Variants in POLQ observed in about 807,000 individuals in gnomAD.
POLQ encodes the protein epididymis secretory sperm binding protein.
In POLQ, 233 loss-of-function variants were observed where a neutral mutation model predicts 259.2. That is an observed-to-expected ratio of 0.90 (90% CI 0.81 to 1.00). The LOEUF is 1.00. POLQ is among the 50% of genes least tolerant of loss of function. The pLI is 0.00. For synonymous variants in POLQ, 1,025 were observed against 1,048.8 expected (o/e 0.98, Z 0.44); for missense variants, 2,871 against 3,051.6 (o/e 0.94, Z 1.39).
chr3:121,519,161 T>C (rs1424622173), intron 9 of POLQ, among the ~76,000 whole-genome samples: 4 of 152,096 alleles, frequency 2.6e-5, no homozygotes, highest in African/African-American at 7.2e-5. Flanking sequence ...GTCTGATTTC[T>C]GAGACCAGTC....
Position 121,529,793 on chromosome 3 carries a change from C to A in POLQ, c.961-1G>T, listed in dbSNP as rs760571948. On this transcript the variant is annotated splice_acceptor_variant, in intron 6 of 29. Coordinates refer to ENST00000264233, the MANE Select transcript of POLQ (RefSeq NM_199420.4). LOFTEE classifies it high-confidence loss of function. ...AACTAACAACATGGTCCTCATCTCC[C>A]TAAAACAGAAAGATAAATAACCACT... 1.2e-6 allele frequency: 2 copies of A among 1,601,842 alleles called. No homozygotes were observed. Among genetic ancestry groups the A allele is most frequent in the Non-Finnish European group, 1.7e-6 (2 of 1,175,556 alleles).
Position 121,509,597 on chromosome 3 carries a change from G to T in POLQ, c.1923C>A (p.Gly641=). The T allele has an allele frequency of 6.2e-7, 1 of 1,613,362 alleles. No individual in the cohort carries two copies. The highest frequency in any genetic ancestry group is 1.1e-5 in the South Asian group (1 of 90,992). ...TATGAAGATCATTCTCTAAAACAAA[G>T]CCCTTCATTGCTCTTTGCAGGTCAG... The part of the protein sequence containing the change: ...IFADLQRAMK[G]FVLENDLHIL... Residue 641 remains glycine, a synonymous_variant, in exon 12 of 30, where the codon GGC becomes GGA. Coordinates refer to ENST00000264233, the MANE Select transcript of POLQ (RefSeq NM_199420.4).
intron 25 of POLQ, among the ~76,000 whole-genome samples, chr3:121,453,661 C>T (rs112800659): frequency 2.0e-5 from 3 of 151,632 alleles, no homozygotes; most frequent in East Asian, 1.9e-4. Context: ...TGAAATGAAG[C>T]GAGAAGGGAA....
At chr3:121,517,836 A>G (rs1183133900) in intron 9 of POLQ, among the ~76,000 whole-genome samples, 1 of 152,210 alleles carries the variant, frequency 6.6e-6, no homozygotes, top group Non-Finnish European at 1.5e-5. Context: ...CTAAATTACA[A>G]TTACATCATA....
At chr3:121,534,943 C>T (rs2048439985) in intron 5 of POLQ, among the ~76,000 whole-genome samples, 1 of 152,160 alleles carries the variant, frequency 6.6e-6, no homozygotes, top group African/African-American at 2.4e-5. Context: ...TATGTTAAGA[C>T]TTGCTTTATG....
chr3:121,510,013 A>T (rs763795588), intron 11 of POLQ, 26 bp downstream of exon 11: 149 of 1,567,688 alleles, frequency 9.5e-5, no homozygotes, highest in Admixed American at 2.0e-4. Flanking sequence ...AAAGTGAGTA[A>T]ATTGCAACTG....
chr3:121,511,139 T>C (rs2048252046), intron 10 of POLQ, among the ~76,000 whole-genome samples: 1 of 145,536 alleles, frequency 6.9e-6, no homozygotes, highest in South Asian at 2.2e-4. Context: ...GGCAGGAGAA[T>C]GGTGTGAAAT....
At chr3:121,491,346 CAAAAAAAAA>C (rs3045625) in intron 15 of POLQ, among the ~76,000 whole-genome samples, 3 of 77,974 alleles carry the variant, frequency 3.8e-5, no homozygotes, top group East Asian at 3.5e-4. Context: ...GAGACTGTCA[CAAAAAAAAA>C]AAAAAAAAAA....
intron 24 of POLQ, among the ~76,000 whole-genome samples, chr3:121,462,588 G>A (rs1327918460): frequency 6.6e-6 from 1 of 152,186 alleles, no homozygotes; most frequent in Non-Finnish European, 1.5e-5. Flanking sequence ...AAAGTGCAGG[G>A]CGCCAAAGAA....
At chr3:121,439,356 A>T (rs1205970242) in intron 27 of POLQ, among the ~76,000 whole-genome samples, 1 of 151,932 alleles carries the variant, frequency 6.6e-6, no homozygotes, top group Non-Finnish European at 1.5e-5. Flanking sequence ...TCAGCCTCCC[A>T]AGTAGCTAAG....
rs768114001 is a variant in POLQ, at chr3:121,544,752, C to T, written c.318G>A (p.Leu106=). The T allele has an allele frequency of 1.4e-5, 22 of 1,611,552 alleles. No individual in the cohort carries two copies. In the South Asian group the frequency reaches 2.3e-4, roughly 17 times the overall value. Residue 106 remains leucine, a synonymous_variant, in exon 2 of 30, where the codon CTG becomes CTA. Transcript: ENST00000264233. ...CTGAATAAACTAAATTCTTTCCTTC[C>T]AGGACTTGTCCAAGCAAAAGGCACT... ...QAECLLLGQV[L]EGKNLVYSAP... is the part of the protein sequence containing the mutation.
At chr3:121,523,920 A>G (rs972973157) in intron 7 of POLQ, among the ~76,000 whole-genome samples, 3 of 152,132 alleles carry the variant, frequency 2.0e-5, no homozygotes, top group African/African-American at 7.2e-5. Flanking sequence ...AGGGCAATTA[A>G]TTTTTTAAAA....
At chr3:121,510,718 C>A (rs1280506538) in intron 10 of POLQ, among the ~76,000 whole-genome samples, 2 of 152,210 alleles carry the variant, frequency 1.3e-5, no homozygotes, top group Admixed American at 1.3e-4. Flanking sequence ...CATCACCACT[C>A]ACTGTAACTG....
chr3:121,479,029 G>A (rs1034765342), intron 19 of POLQ, among the ~76,000 whole-genome samples: 1 of 152,098 alleles, frequency 6.6e-6, no homozygotes, highest in African/African-American at 2.4e-5. Context: ...TTTAGATAAT[G>A]AATCGTTGGC....
intron 12 of POLQ, among the ~76,000 whole-genome samples, chr3:121,500,108 C>T (rs1404035403): frequency 6.6e-6 from 1 of 152,038 alleles, no homozygotes; most frequent in Non-Finnish European, 1.5e-5. Flanking sequence ...TGGTGAAACA[C>T]TGTCTCTACA....
rs186042542 is a variant in POLQ at position 121,540,590 on chromosome 3, C to A, written c.474+759G>T. ...AGAGGAACAGATCACATACCTGGAG[C>A]TTTACCTAAGCACCAATGGATCTTG... On this transcript the variant is annotated intron_variant, in intron 3 of 29. Transcript: ENST00000264233. Among the ~76,000 whole-genome samples, 8 of 152,272 alleles carry A rather than the reference C, an allele frequency of 5.3e-5. No homozygotes were observed. The East Asian group carries it at 1.2e-3, about 22-fold the overall frequency.
intron 12 of POLQ, among the ~76,000 whole-genome samples, chr3:121,504,875 A>T (rs181373964): frequency 6.6e-6 from 1 of 152,160 alleles, no homozygotes; most frequent in Non-Finnish European, 1.5e-5. Context: ...CAATGAGTTA[A>T]GACTCCGGGG....
At chr3:121,435,641 A>AC (rs1576395912) in intron 28 of POLQ, among the ~76,000 whole-genome samples, 1 of 152,226 alleles carries the variant, frequency 6.6e-6, no homozygotes, top group East Asian at 1.9e-4. Context: ...ACAAATTGAG[A>AC]CATGCATCAT....
Position 121,490,453 on chromosome 3 carries a change from G to A in POLQ, c.2523-45C>T, listed in dbSNP as rs367642752. ...AAGACAGAAATGAATTCATTCATTC[G>A]TAAGGCAAGTATTTATTAAACATGC... On this transcript the variant is annotated intron_variant, in intron 15 of 29. Coordinates refer to ENST00000264233, the MANE Select transcript of POLQ (RefSeq NM_199420.4). 4.0e-5 allele frequency: 58 copies of A among 1,441,002 alleles called. No individual in the cohort carries two copies. The Admixed American group carries it at 6.1e-4, about 15-fold the overall frequency. 89.3% of individuals were successfully genotyped at this position (1,441,002 alleles called of 1,614,324 possible).
Sources: gnomAD v4.1 joint callset for allele counts (sites outside exome capture counted in the v4.1 genomes callset) on GRCh38, gnomAD v4.1.1 for gene constraint, MANE v1.5 for transcripts, NCBI Gene and HGNC (gene_info 2026-07-23, HGNC 2026-07-21) for gene names.